FARS2: variants seen among roughly 807,000 people sequenced by gnomAD.
The protein encoded by FARS2 is phenylalanyl-tRNA synthetase 2, mitochondrial, also known as phenylalanine--tRNA ligase, mitochondrial.
A neutral mutation model predicts 46.4 loss-of-function variants in FARS2; 40 were observed. The ratio of observed to expected loss-of-function variants is 0.86; its 90% CI spans 0.67 to 1.12. FARS2 has a LOEUF of 1.12. Among genes scored for constraint, FARS2 ranks in the 50% most tolerant of loss-of-function variants. The pLI is 0.00. For missense variants in FARS2, 513 were observed against 567.9 expected (o/e 0.90, Z 0.98); for synonymous variants, 234 against 214.9 (o/e 1.09, Z -0.78).
intron 5 of FARS2, among the ~76,000 whole-genome samples, chr6:5,566,043 G>A (rs572559726): frequency 1.2e-4 from 18 of 152,226 alleles, no homozygotes; most frequent in Non-Finnish European, 2.5e-4. Flanking sequence ...TTTACTAAAG[G>A]GCAGATTAGT....
intron 4 of FARS2, among the ~76,000 whole-genome samples, chr6:5,433,944 C>T (rs1386900893): frequency 6.6e-6 from 1 of 152,102 alleles, no homozygotes; most frequent in Non-Finnish European, 1.5e-5. Context: ...CATTATTGCA[C>T]GTTAATGAGG....
At chr6:5,437,656 A>C (rs1010414921) in intron 4 of FARS2, among the ~76,000 whole-genome samples, 1 of 152,038 alleles carries the variant, frequency 6.6e-6, no homozygotes, top group Non-Finnish European at 1.5e-5. Flanking sequence ...TACAATATCC[A>C]TTCCTGTCTT....
At chr6:5,444,481 AAAAAAAAAAAAAGAGAGAG>A (rs1465355850) in intron 4 of FARS2, among the ~76,000 whole-genome samples, 1 of 91,448 alleles carries the variant, frequency 1.1e-5, no homozygotes, top group Non-Finnish European at 2.0e-5. Flanking sequence ...AAAAAAAAAA[AAAAAAAAAAAAAGAGAGAG>A]AGAGAGAGAG....
At chr6:5,645,380 G>A (rs1777025538) in intron 6 of FARS2, among the ~76,000 whole-genome samples, 2 of 152,192 alleles carry the variant, frequency 1.3e-5, no homozygotes, top group Admixed American at 1.3e-4. Flanking sequence ...GAGCTGTGTG[G>A]TTGATTTGAA....
intron 2 of FARS2, among the ~76,000 whole-genome samples, chr6:5,381,091 C>T (rs1759740348): frequency 6.6e-6 from 1 of 151,528 alleles, no homozygotes; most frequent in African/African-American, 2.4e-5. Flanking sequence ...AGCTCCACCT[C>T]CTGGGTTCAC....
At chr6:5,622,999 A>C (rs1775851443) in intron 6 of FARS2, among the ~76,000 whole-genome samples, 1 of 152,172 alleles carries the variant, frequency 6.6e-6, no homozygotes, top group Admixed American at 6.5e-5. Flanking sequence ...GTTTAGTGGA[A>C]GAGCTCAGAA....
chr6:5,465,530 T>A (rs952133745), intron 4 of FARS2, among the ~76,000 whole-genome samples: 21 of 152,196 alleles, frequency 1.4e-4, no homozygotes, highest in Non-Finnish European at 1.5e-5. Context: ...CTCCAATCGA[T>A]TTTCTGTTCT....
chr6:5,678,880 T>C (rs1778892365), intron 6 of FARS2, among the ~76,000 whole-genome samples: 1 of 152,238 alleles, frequency 6.6e-6, no homozygotes, highest in Non-Finnish European at 1.5e-5. Flanking sequence ...AGAACTTCTC[T>C]GAAAGTTCTA....
chr6:5,541,393 A>T (rs986585613), intron 4 of FARS2, among the ~76,000 whole-genome samples: 2 of 152,182 alleles, frequency 1.3e-5, no homozygotes, highest in Admixed American at 6.5e-5. Flanking sequence ...GTTTTGAAGG[A>T]TATATACAGT....
intron 6 of FARS2, among the ~76,000 whole-genome samples, chr6:5,719,398 A>AAT (rs1759727549): frequency 1.3e-5 from 2 of 148,632 alleles, no homozygotes; most frequent in South Asian, 4.2e-4. Context: ...AAAAAAATTA[A>AAT]AAAAAAAAAA....
chr6:5,329,791 C>T (rs1770667879), intron 1 of FARS2, among the ~76,000 whole-genome samples: 1 of 152,176 alleles, frequency 6.6e-6, no homozygotes. Flanking sequence ...TGTGATGCCT[C>T]CATGCTGTCT....
chr6:5,325,004 C>T (rs1010617538), intron 1 of FARS2, among the ~76,000 whole-genome samples: 1 of 152,184 alleles, frequency 6.6e-6, no homozygotes, highest in African/African-American at 2.4e-5. Flanking sequence ...CTATGTACCT[C>T]ATGGTGGCAG....
rs142321922 is a variant in FARS2 at position 5,493,978 on chromosome 6, C to A, written c.905-51202C>A. On this transcript the variant is annotated intron_variant, in intron 4 of 6. Coordinates refer to ENST00000274680, the MANE Select transcript of FARS2 (RefSeq NM_006567.5). ...ACACAGTGGACAGTGTCATGTGATA[C>A]AATGACAGTGAGTGCCAGCGCTATT... Among the ~76,000 whole-genome samples the A allele has an allele frequency of 9.2e-4, 140 of 152,274 alleles. 1 individual carries two copies. Among genetic ancestry groups the A allele is most frequent in the African/African-American group, 3.3e-3 (137 of 41,544 alleles).
At chr6:5,487,935 A>G (rs1450266537) in intron 4 of FARS2, among the ~76,000 whole-genome samples, 1 of 152,060 alleles carries the variant, frequency 6.6e-6, no homozygotes, top group Non-Finnish European at 1.5e-5. Flanking sequence ...ACTGACTTCC[A>G]TATTATCCTG....
intron 5 of FARS2, chr6:5,610,190 C>G: frequency 2.7e-6 from 2 of 742,660 alleles, no homozygotes. Flanking sequence ...GAGACTCTGA[C>G]TTAGACAGGA....
intron 5 of FARS2, among the ~76,000 whole-genome samples, chr6:5,588,518 G>T (rs1773745114): frequency 6.6e-6 from 1 of 152,166 alleles, no homozygotes; most frequent in African/African-American, 2.4e-5. Flanking sequence ...CTCTGCTAAT[G>T]GGCTTCTGGT....
the FARS2 span, among the ~76,000 whole-genome samples, chr6:5,255,612 T>C: frequency 6.6e-6 from 1 of 152,188 alleles, no homozygotes; most frequent in Non-Finnish European, 1.5e-5. Flanking sequence ...AAGAACCACA[T>C]TCTTAAACTT....
intron 4 of FARS2, among the ~76,000 whole-genome samples, chr6:5,540,837 T>C (rs1226636548): frequency 6.6e-6 from 1 of 152,142 alleles, no homozygotes; most frequent in African/African-American, 2.4e-5. Flanking sequence ...TCAATGAAGT[T>C]TTAGAGGACC....
intron 6 of FARS2, among the ~76,000 whole-genome samples, chr6:5,751,035 C>A (rs964014645): frequency 6.6e-6 from 1 of 152,018 alleles, no homozygotes; most frequent in Non-Finnish European, 1.5e-5. Flanking sequence ...GGGGGCTGGG[C>A]CGGAATCCTA....
Sources: gnomAD v4.1 joint callset for allele counts (sites outside exome capture counted in the v4.1 genomes callset) on GRCh38, gnomAD v4.1.1 for gene constraint, MANE v1.5 for transcripts, NCBI Gene and HGNC (gene_info 2026-07-23, HGNC 2026-07-21) for gene names.